Variants in RXFP1 observed in about 807,000 individuals in gnomAD.
The protein encoded by RXFP1 is relaxin family peptide receptor 1, also known as relaxin receptor 1.
Under a neutral mutation model 89.8 loss-of-function variants are expected in RXFP1, and 73 were observed. The ratio of observed to expected loss-of-function variants is 0.81; its 90% confidence interval spans 0.67 to 0.99. The LOEUF (loss-of-function observed/expected upper bound fraction) is 0.99. Ranked by LOEUF, RXFP1 falls within the 50% of genes least tolerant of loss-of-function variation. The pLI, the probability that RXFP1 is intolerant of heterozygous loss-of-function variation, is 0.00. For synonymous variants in RXFP1, 277 were observed against 305.5 expected, an observed-to-expected ratio of 0.91 and a Z score of 0.97; for missense variants, 793 against 895.5, an observed-to-expected ratio of 0.89 and a Z score of 1.46.
chr4:158,602,198 A>T (rs572597478), intron 4 of RXFP1, among the ~76,000 whole-genome samples: 1 of 152,348 alleles, frequency 6.6e-6, no homozygotes, highest in South Asian at 2.1e-4. Flanking sequence ...AAATGTAGAG[A>T]ATGTTATTTG....
chr4:158,535,905 C>A (rs1413503518), intron 1 of RXFP1, among the ~76,000 whole-genome samples: 1 of 152,166 alleles, frequency 6.6e-6, no homozygotes, highest in Non-Finnish European at 1.5e-5. Flanking sequence ...TCACTATTTT[C>A]TTTAACTCTG....
At chr4:158,591,795 A>T (rs1248018838) in intron 2 of RXFP1, among the ~76,000 whole-genome samples, 3 of 152,092 alleles carry the variant, frequency 2.0e-5, no homozygotes, top group Admixed American at 6.6e-5. Flanking sequence ...TCAATGCTAG[A>T]CTTAATACTA....
intron 2 of RXFP1, among the ~76,000 whole-genome samples, chr4:158,589,504 T>C (rs1478951424): frequency 6.6e-6 from 1 of 152,124 alleles, no homozygotes; most frequent in Non-Finnish European, 1.5e-5. Flanking sequence ...TATAATAGGT[T>C]GAGAAGCAAA....
intron 1 of RXFP1, among the ~76,000 whole-genome samples, chr4:158,542,812 T>C (rs551560672): frequency 2.0e-4 from 30 of 152,292 alleles, no homozygotes; most frequent in Admixed American, 1.3e-4. Flanking sequence ...CAGTTCCTTC[T>C]GTATCAGTTA....
intron 11 of RXFP1, among the ~76,000 whole-genome samples, chr4:158,630,442 T>A (rs1446593303): frequency 6.6e-6 from 1 of 152,224 alleles, no homozygotes; most frequent in Non-Finnish European, 1.5e-5. Context: ...AGTCAAGGAA[T>A]ACTAACTATA....
At chr4:158,583,482 A>G (rs923436069) in intron 2 of RXFP1, among the ~76,000 whole-genome samples, 4 of 152,242 alleles carry the variant, frequency 2.6e-5, no homozygotes, top group Non-Finnish European at 5.9e-5. Flanking sequence ...TATATGCCCC[A>G]TAAACATATA....
intron 5 of RXFP1, chr4:158,607,209 G>T: frequency 9.7e-7 from 1 of 1,030,678 alleles, no homozygotes; most frequent in South Asian, 1.4e-5. Flanking sequence ...CATTTCCTTT[G>T]ACCTCCAGTT....
intron 17 of RXFP1, among the ~76,000 whole-genome samples, chr4:158,650,499 T>A (rs978745074): frequency 6.6e-6 from 1 of 151,382 alleles, no homozygotes; most frequent in African/African-American, 2.4e-5. Flanking sequence ...CAGGGCGCAG[T>A]GGCTCACACC....
At chr4:158,604,156 A>G (rs2150107356) in intron 4 of RXFP1, among the ~76,000 whole-genome samples, 1 of 152,158 alleles carries the variant, frequency 6.6e-6, no homozygotes, top group East Asian at 1.9e-4. Flanking sequence ...TTCAAAACCT[A>G]AACATTGTTA....
At chr4:158,573,357 C>A (rs749867854) in intron 2 of RXFP1, among the ~76,000 whole-genome samples, 2 of 152,148 alleles carry the variant, frequency 1.3e-5, no homozygotes, top group African/African-American at 2.4e-5. Flanking sequence ...ATATTCCAGG[C>A]GAGTGGTGGT....
chr4:158,616,292 C>T (rs962477938), intron 8 of RXFP1, among the ~76,000 whole-genome samples: 5 of 151,668 alleles, frequency 3.3e-5, no homozygotes, highest in East Asian at 2.0e-4. Context: ...AGCCGGGCAT[C>T]GTGGCAGGCG....
intron 16 of RXFP1, among the ~76,000 whole-genome samples, chr4:158,648,079 G>A (rs911502059): frequency 6.6e-6 from 1 of 152,076 alleles, no homozygotes; most frequent in Non-Finnish European, 1.5e-5. Flanking sequence ...GGAAGGCTGA[G>A]GCAGGAGGAT....
intron 1 of RXFP1, among the ~76,000 whole-genome samples, chr4:158,571,378 TA>T (rs1755023724): frequency 6.6e-6 from 1 of 152,074 alleles, no homozygotes; most frequent in Non-Finnish European, 1.5e-5. Flanking sequence ...GCAGTTAGGG[TA>T]AAAGAGGCTG....
At chr4:158,606,913 A>C in intron 5 of RXFP1, 2 of 695,812 alleles carry the variant, frequency 2.9e-6, no homozygotes, top group Non-Finnish European at 5.0e-6. Flanking sequence ...TTCACAATCA[A>C]AGTTAGGTTT....
chr4:158,642,794 A>G (rs1770636164), intron 14 of RXFP1, among the ~76,000 whole-genome samples: 1 of 152,144 alleles, frequency 6.6e-6, no homozygotes, highest in African/African-American at 2.4e-5. Context: ...CAAGGAAATT[A>G]AGGACGTGGA....
chr4:158,642,664 T>A (rs1001168191), intron 14 of RXFP1, among the ~76,000 whole-genome samples: 3 of 152,192 alleles, frequency 2.0e-5, no homozygotes, highest in African/African-American at 7.2e-5. Context: ...ATCTACCACA[T>A]TTTTTTATCC....
intron 2 of RXFP1, among the ~76,000 whole-genome samples, chr4:158,583,087 A>G (rs1757682902): frequency 6.6e-6 from 1 of 152,232 alleles, no homozygotes; most frequent in Non-Finnish European, 1.5e-5. Context: ...TAAGAGAAGG[A>G]AAACTTTGTT....
chr4:158,526,830 G>T lies in RXFP1; in HGVS notation c.49+4805G>T, dbSNP rs113456255. ...GTTAATCTTTGGGAACGGTACTCTT[G>T]GGACTTTTCACCAGCTGGTCTAGGC... is the stretch of plus-strand genomic sequence containing the variant. On this transcript the variant is annotated intron_variant, in intron 1 of 17. Transcript: ENST00000307765. Among the ~76,000 whole-genome samples, 106 of 152,218 alleles carry T rather than the reference G, an allele frequency of 7.0e-4. 3 individuals carry two copies. Among genetic ancestry groups the T allele is most frequent in the African/African-American group, 2.5e-3 (102 of 41,540 alleles).
At chr4:158,540,898 A>T (rs1746442704) in intron 1 of RXFP1, among the ~76,000 whole-genome samples, 3 of 152,192 alleles carry the variant, frequency 2.0e-5, no homozygotes, top group Non-Finnish European at 4.4e-5. Context: ...TTCAACTTTA[A>T]ATAAGCCTCT....
Sources: gnomAD v4.1 joint callset for allele counts (sites outside exome capture counted in the v4.1 genomes callset) on GRCh38, gnomAD v4.1.1 for gene constraint, MANE v1.5 for transcripts, NCBI Gene and HGNC (gene_info 2026-07-23, HGNC 2026-07-21) for gene names.